Variants in CNST observed in about 807,000 individuals in gnomAD.
CNST encodes consortin, connexin sorting protein, also known as consortin.
In CNST, 39 loss-of-function variants were observed where a neutral mutation model predicts 72.4. The ratio of observed to expected loss-of-function variants is 0.54; its 90% CI spans 0.42 to 0.70. CNST has a LOEUF of 0.70. Among genes scored for constraint, CNST ranks in the 30% least tolerant of loss-of-function variants. CNST has a pLI of 0.00. For missense variants in CNST, 871 were observed against 868.5 expected (o/e 1.00, Z -0.04); for synonymous variants, 332 against 320.1 (o/e 1.04, Z -0.40).
chr1:246,664,001 G>A (rs1007072707), intron 10 of CNST, among the ~76,000 whole-genome samples: 1 of 152,028 alleles, frequency 6.6e-6, no homozygotes, highest in African/African-American at 2.4e-5. Context: ...TCTAAATAAA[G>A]TCTATTTGGT....
At chr1:246,583,964 C>G (rs1394556451) in intron 1 of CNST, among the ~76,000 whole-genome samples, 2 of 152,022 alleles carry the variant, frequency 1.3e-5, no homozygotes, top group Non-Finnish European at 2.9e-5. Flanking sequence ...TTTTAAGAGG[C>G]AAGGTCTTGC....
chr1:246,659,652 A>G (rs1486784427), intron 9 of CNST, among the ~76,000 whole-genome samples: 1 of 152,184 alleles, frequency 6.6e-6, no homozygotes, highest in Non-Finnish European at 1.5e-5. Context: ...GGAAGTCCTT[A>G]AAATATTGTG....
intron 6 of CNST, among the ~76,000 whole-genome samples, chr1:246,639,025 A>G (rs1665498598): frequency 6.6e-6 from 1 of 152,122 alleles, no homozygotes; most frequent in South Asian, 2.1e-4. Context: ...ACGAAGGGAT[A>G]GTTTTAGGCT....
At chr1:246,608,364 A>G (rs989680075) in intron 2 of CNST, among the ~76,000 whole-genome samples, 2 of 152,190 alleles carry the variant, frequency 1.3e-5, no homozygotes, top group Non-Finnish European at 2.9e-5. Context: ...GAAGAGGTTT[A>G]AGAATTAGCA....
chr1:246,636,088 G>A (rs1467473451), intron 6 of CNST, among the ~76,000 whole-genome samples: 1 of 152,194 alleles, frequency 6.6e-6, no homozygotes, highest in African/African-American at 2.4e-5. Flanking sequence ...GGGGTATGCG[G>A]CAGAAGAGTT....
chr1:246,623,527 G>A (rs549860761), intron 3 of CNST, among the ~76,000 whole-genome samples: 1 of 152,240 alleles, frequency 6.6e-6, no homozygotes, highest in African/African-American at 2.4e-5. Flanking sequence ...CGAGGTGGGT[G>A]GATCATGTGA....
chr1:246,638,063 G>T (rs1172653071), intron 6 of CNST, among the ~76,000 whole-genome samples: 1 of 152,152 alleles, frequency 6.6e-6, no homozygotes, highest in Admixed American at 6.5e-5. Context: ...GAACGCGGCT[G>T]GAAAGGTGAG....
chr1:246,647,630 G>T lies in CNST; in HGVS notation c.1429G>T (p.Glu477Ter). 1 of 1,614,150 alleles carries T rather than the reference G, an allele frequency of 6.2e-7. No individual in the cohort carries two copies. Among genetic ancestry groups the T allele is most frequent in the South Asian group, 1.1e-5 (1 of 91,058 alleles). The change falls in exon 9 of 11, where the codon GAG becomes TAG. Residue 477 changes from glutamate to a stop codon, truncating the protein, a stop_gained. Coordinates refer to ENST00000366513, the MANE Select transcript of CNST (RefSeq NM_152609.3). LOFTEE classifies it high-confidence loss of function. ...TGAGGCGTTGCCCACAGACCAACTTGAGAACAATGAATTAAATGAGCTGCA... is the reference window on the plus strand; with the variant it reads ...TGAGGCGTTGCCCACAGACCAACTTTAGAACAATGAATTAAATGAGCTGCA... ...ASEALPTDQL[E>*]NNELNELQQP...
At chr1:246,636,808 G>T (rs1665288979) in intron 6 of CNST, among the ~76,000 whole-genome samples, 1 of 152,102 alleles carries the variant, frequency 6.6e-6, no homozygotes, top group African/African-American at 2.4e-5. Context: ...TCCACAATAG[G>T]ATCTTTCTAT....
At chr1:246,663,109 T>G (rs116691801) in intron 10 of CNST, among the ~76,000 whole-genome samples, 3,584 of 152,004 alleles carry the variant, frequency 0.024, 134 homozygotes, top group African/African-American at 0.082. Context: ...TGGGGAAGCC[T>G]CCTCCCAAGT....
intron 2 of CNST, among the ~76,000 whole-genome samples, chr1:246,596,068 T>C (rs959001254): frequency 3.3e-5 from 5 of 152,044 alleles, no homozygotes; most frequent in East Asian, 1.9e-4. Context: ...CTTAAGAGAA[T>C]TGAATCCCCT....
At chr1:246,608,608 G>A (rs767679551) in intron 2 of CNST, among the ~76,000 whole-genome samples, 2 of 152,186 alleles carry the variant, frequency 1.3e-5, no homozygotes, top group Admixed American at 6.5e-5. Flanking sequence ...TGGAGCTTGC[G>A]GGAGTCACAT....
At chr1:246,664,021 G>A (rs1667254265) in intron 10 of CNST, among the ~76,000 whole-genome samples, 1 of 152,070 alleles carries the variant, frequency 6.6e-6, no homozygotes, top group African/African-American at 2.4e-5. Context: ...TATCCATTAG[G>A]TTTTGTAAAA....
chr1:246,597,285 A>G (rs1208222012), intron 2 of CNST, among the ~76,000 whole-genome samples: 1 of 152,192 alleles, frequency 6.6e-6, no homozygotes, highest in African/African-American at 2.4e-5. Flanking sequence ...AAAGGGTACA[A>G]TTTAGTGGTT....
In CNST at chr1:246,647,820, T is replaced by A; in HGVS notation, c.1619T>A (p.Leu540His). Residue 540 changes from leucine to histidine, a missense_variant, in exon 9 of 11, where the codon CTC becomes CAC. Coordinates refer to ENST00000366513, the MANE Select transcript of CNST (RefSeq NM_152609.3). ...PEEKGDKDDQ[L>H]NKETEDYLNS... ...GAAAAGGGAGATAAAGACGACCAAC[T>A]CAACAAAGAAACAGAAGACTATTTG... 6.2e-7 allele frequency: 1 copy of A among 1,614,096 alleles called. No individual in the cohort carries two copies. Among genetic ancestry groups the A allele is most frequent in the Non-Finnish European group, 8.5e-7 (1 of 1,180,014 alleles).
At chr1:246,597,991 AT>A (rs1464307895) in intron 2 of CNST, among the ~76,000 whole-genome samples, 3 of 151,438 alleles carry the variant, frequency 2.0e-5, no homozygotes, top group Non-Finnish European at 4.4e-5. Flanking sequence ...TTATTTATTT[AT>A]TTATTTAAGA....
chr1:246,638,453 C>T (rs1014488435), intron 6 of CNST, among the ~76,000 whole-genome samples: 4 of 152,100 alleles, frequency 2.6e-5, no homozygotes, highest in Non-Finnish European at 5.9e-5. Context: ...ATGAGAGAGC[C>T]GTTTATGACA....
intron 1 of CNST, among the ~76,000 whole-genome samples, chr1:246,582,120 A>G (rs887496543): frequency 1.3e-5 from 2 of 152,232 alleles, no homozygotes; most frequent in South Asian, 2.1e-4. Context: ...TTTCAGATCC[A>G]TATGCTAAGA....
chr1:246,602,559 G>A (rs1262318466), intron 2 of CNST, among the ~76,000 whole-genome samples: 1 of 152,232 alleles, frequency 6.6e-6, no homozygotes, highest in Non-Finnish European at 1.5e-5. Context: ...ACTCAACCTG[G>A]AAGTCATACT....
Sources: gnomAD v4.1 joint callset for allele counts (sites outside exome capture counted in the v4.1 genomes callset) on GRCh38, gnomAD v4.1.1 for gene constraint, MANE v1.5 for transcripts, NCBI Gene and HGNC (gene_info 2026-07-23, HGNC 2026-07-21) for gene names.